Variants in FAF1 observed in about 807,000 individuals in gnomAD.
FAF1 encodes FAS-associated factor 1.
A neutral mutation model predicts 92.5 loss-of-function variants in FAF1; 25 were observed. The ratio of observed to expected loss-of-function variants is 0.27; its 90% CI spans 0.20 to 0.38. FAF1 has a LOEUF of 0.38. FAF1 is among the 10% of genes least tolerant of loss of function. FAF1 has a pLI of 1.00. For missense variants in FAF1, 636 were observed against 793.3 expected, an observed-to-expected ratio of 0.80 and a Z score of 2.38; for synonymous variants, 234 against 273.2, an observed-to-expected ratio of 0.86 and a Z score of 1.42.
chr1:50,865,504 A>G (rs1644472977), intron 1 of FAF1, among the ~76,000 whole-genome samples: 1 of 144,146 alleles, frequency 6.9e-6, no homozygotes, highest in Non-Finnish European at 1.5e-5. Flanking sequence ...AATACTATGC[A>G]GCCATAAAAA....
chr1:50,582,778 T>G (rs1651050227), intron 11 of FAF1, 79 bp from the exon 12 acceptor site: 2 of 907,014 alleles, frequency 2.2e-6, no homozygotes, highest in Non-Finnish European at 3.6e-6. Context: ...CAATGACTTT[T>G]AAGTAAATGT....
intron 1 of FAF1, among the ~76,000 whole-genome samples, chr1:50,902,612 A>G (rs1235059172): frequency 6.6e-6 from 1 of 152,140 alleles, no homozygotes; most frequent in African/African-American, 2.4e-5. Context: ...CTTGGTATCC[A>G]TGGGGATTGG....
chr1:50,530,238 GGTGTGTGTGTGTGTGTGTGTGTGT>G (rs72220248), intron 15 of FAF1, among the ~76,000 whole-genome samples: 1 of 141,590 alleles, frequency 7.1e-6, no homozygotes, highest in East Asian at 2.0e-4. Context: ...TTTAAGAAGT[GGTGTGTGTGTGTGTGTGTGTGTGT>G]GTGTGTGTGT....
chr1:50,500,195 G>A (rs1646966982), intron 15 of FAF1, among the ~76,000 whole-genome samples: 1 of 151,898 alleles, frequency 6.6e-6, no homozygotes, highest in Non-Finnish European at 1.5e-5. Flanking sequence ...ACCTACAATA[G>A]CCAAAAGAAT....
chr1:50,754,876 C>G (rs1337664171), intron 4 of FAF1, among the ~76,000 whole-genome samples: 1 of 151,492 alleles, frequency 6.6e-6, no homozygotes, highest in Non-Finnish European at 1.5e-5. Context: ...AGGGAAACTC[C>G]TCCTTACAAA....
At chr1:50,481,674 A>G (rs967107361) in intron 17 of FAF1, among the ~76,000 whole-genome samples, 1 of 152,160 alleles carries the variant, frequency 6.6e-6, no homozygotes, top group Admixed American at 6.5e-5. Context: ...GGTGAGTGCT[A>G]TGGAGGGAGT....
chr1:50,802,935 C>G (rs1335516787), intron 2 of FAF1, among the ~76,000 whole-genome samples: 1 of 152,166 alleles, frequency 6.6e-6, no homozygotes, highest in African/African-American at 2.4e-5. Context: ...CACCATCGTA[C>G]TGTTGAATGG....
rs1416498742 is a variant in FAF1, at chr1:50,472,473, T to C, written c.1869+2991A>G. Among the ~76,000 whole-genome samples the C allele has an allele frequency of 2.6e-5, 4 of 151,228 alleles. No individual in the cohort carries two copies. The South Asian group carries it at 8.4e-4, about 32-fold the overall frequency. On this transcript the variant is annotated intron_variant, in intron 18 of 18. Transcript: ENST00000396153. Reference sequence around the variant, plus strand: ...GCTTCCACAACTTGAATCAGTTTTCTGGGGAAGGCCTATGTCTGCGGCTAT... The same window carrying C: ...GCTTCCACAACTTGAATCAGTTTTCCGGGGAAGGCCTATGTCTGCGGCTAT...
chr1:50,684,414 T>C (rs1001785850), intron 7 of FAF1, among the ~76,000 whole-genome samples: 4 of 152,162 alleles, frequency 2.6e-5, no homozygotes, highest in Non-Finnish European at 5.9e-5. Context: ...ATAAAGCAGC[T>C]GATATACTCA....
Position 50,940,765 on chromosome 1 carries a change from C to T in FAF1, c.45+19002G>A, listed in dbSNP as rs563696845. Among the ~76,000 whole-genome samples, 15 of 152,248 alleles carry T rather than the reference C, an allele frequency of 9.9e-5. No homozygotes were observed. The South Asian group carries it at 3.1e-3, about 32-fold the overall frequency. Reference sequence around the variant, plus strand: ...CAGGCACTGATGAACGTAAAAGTGACGTAAAAATACTAGTAACTACGTAAT... The same window carrying T: ...CAGGCACTGATGAACGTAAAAGTGATGTAAAAATACTAGTAACTACGTAAT... On this transcript the variant is annotated intron_variant, in intron 1 of 18. Coordinates refer to ENST00000396153, the MANE Select transcript of FAF1 (RefSeq NM_007051.3).
intron 4 of FAF1, among the ~76,000 whole-genome samples, chr1:50,746,011 A>G (rs1659571114): frequency 6.6e-6 from 1 of 151,984 alleles, no homozygotes; most frequent in African/African-American, 2.4e-5. Flanking sequence ...GAGAGCTCAG[A>G]TGGAAATAAG....
intron 5 of FAF1, among the ~76,000 whole-genome samples, chr1:50,743,985 T>G (rs903807319): frequency 2.0e-5 from 3 of 151,944 alleles, no homozygotes; most frequent in African/African-American, 7.3e-5. Context: ...GCAGGAGAAT[T>G]GCTTGAATCC....
chr1:50,761,945 G>A (rs555632759), intron 4 of FAF1, among the ~76,000 whole-genome samples: 1 of 152,152 alleles, frequency 6.6e-6, no homozygotes, highest in East Asian at 1.9e-4. Context: ...AAACCCCATT[G>A]TCTCAGCCCA....
chr1:50,934,373 T>A (rs1238800628), intron 1 of FAF1, among the ~76,000 whole-genome samples: 1 of 152,220 alleles, frequency 6.6e-6, no homozygotes, highest in Non-Finnish European at 1.5e-5. Flanking sequence ...AATTTCTTTA[T>A]AATTTCTTAT....
chr1:50,539,808 T>A, intron 13 of FAF1, 80 bp from the exon 14 acceptor site: 1 of 1,004,260 alleles, frequency 1.0e-6, no homozygotes, highest in Non-Finnish European at 1.5e-6. Flanking sequence ...GAACTCATTG[T>A]GTTATTAGTT....
At chr1:50,763,254 T>G (rs969860875) in intron 4 of FAF1, among the ~76,000 whole-genome samples, 1 of 152,102 alleles carries the variant, frequency 6.6e-6, no homozygotes, top group African/African-American at 2.4e-5. Context: ...TTAGGCTCCA[T>G]CTCAAAAAAT....
At chr1:50,756,756 T>C (rs1413487616) in intron 4 of FAF1, among the ~76,000 whole-genome samples, 3 of 152,196 alleles carry the variant, frequency 2.0e-5, no homozygotes, top group Non-Finnish European at 4.4e-5. Context: ...ACATCTTACA[T>C]GGATGGCAGC....
intron 7 of FAF1, among the ~76,000 whole-genome samples, chr1:50,678,223 A>C (rs1289808093): frequency 6.6e-6 from 1 of 152,186 alleles, no homozygotes; most frequent in Non-Finnish European, 1.5e-5. Flanking sequence ...ATGCTGTTTG[A>C]ACTTATGAAA....
At chr1:50,759,679 G>A (rs1166081498) in intron 4 of FAF1, among the ~76,000 whole-genome samples, 4 of 152,140 alleles carry the variant, frequency 2.6e-5, no homozygotes, top group African/African-American at 9.7e-5. Flanking sequence ...TAATGGGATG[G>A]CTGGGTCAAA....
Sources: allele counts gnomAD v4.1 joint callset (sites outside exome capture counted in the v4.1 genomes callset), GRCh38; gene constraint gnomAD v4.1.1; transcripts MANE v1.5; gene names NCBI Gene and HGNC (gene_info 2026-07-23, HGNC 2026-07-21).